Variants in KCNIP1 observed in about 807,000 individuals in gnomAD.
The protein encoded by KCNIP1 is A-type potassium channel modulatory protein KCNIP1.
A neutral mutation model predicts 33.0 loss-of-function variants in KCNIP1; 18 were observed. That is an observed-to-expected ratio of 0.55 (90% CI 0.38 to 0.81). The LOEUF is 0.81. Ranked by LOEUF, KCNIP1 falls within the 30% of genes least tolerant of loss-of-function variation. The probability of loss-of-function intolerance (pLI) is 0.00; values close to 1 mark genes in which losing one functional copy is unlikely to be tolerated. For missense variants in KCNIP1, 238 were observed against 271.6 expected, an observed-to-expected ratio of 0.88 and a Z score of 0.87; for synonymous variants, 93 against 98.3, an observed-to-expected ratio of 0.95 and a Z score of 0.32.
At chr5:170,555,108 T>A (rs189709188) in intron 1 of KCNIP1, among the ~76,000 whole-genome samples, 1 of 151,952 alleles carries the variant, frequency 6.6e-6, no homozygotes, top group East Asian at 1.9e-4. Context: ...AGAACAAGAG[T>A]ACTCAGGCTC....
chr5:170,613,329 G>A (rs753413241), intron 1 of KCNIP1, among the ~76,000 whole-genome samples: 20 of 152,212 alleles, frequency 1.3e-4, no homozygotes, highest in Admixed American at 1.3e-3. Flanking sequence ...CCTGGAGACA[G>A]AGTAAAATAG....
chr5:170,572,820 G>T (rs948577246), intron 1 of KCNIP1, among the ~76,000 whole-genome samples: 1 of 152,192 alleles, frequency 6.6e-6, no homozygotes, highest in Non-Finnish European at 1.5e-5. Flanking sequence ...GGGACTCAGG[G>T]AAGCTCAAAC....
At chr5:170,703,592 G>T (rs1763168422) in intron 1 of KCNIP1, among the ~76,000 whole-genome samples, 1 of 129,884 alleles carries the variant, frequency 7.7e-6, no homozygotes, top group Non-Finnish European at 1.6e-5. Flanking sequence ...GGGCAACACA[G>T]TGAGACCCCA....
chr5:170,675,094 C>T (rs1042997679), intron 1 of KCNIP1, among the ~76,000 whole-genome samples: 3 of 151,800 alleles, frequency 2.0e-5, no homozygotes, highest in African/African-American at 4.8e-5. Flanking sequence ...TGAGCCCAGG[C>T]GTTCTAGACC....
chr5:170,686,965 C>T (rs753027692), intron 1 of KCNIP1, among the ~76,000 whole-genome samples: 12 of 152,006 alleles, frequency 7.9e-5, no homozygotes, highest in Non-Finnish European at 1.6e-4. Context: ...CCCCAAACCT[C>T]TCTCCTGATC....
intron 1 of KCNIP1, among the ~76,000 whole-genome samples, chr5:170,601,114 C>T (rs968720521): frequency 6.6e-6 from 1 of 152,222 alleles, no homozygotes; most frequent in East Asian, 1.9e-4. Flanking sequence ...ACAACACCTG[C>T]GTCGCTTCCC....
chr5:170,730,853 T>C (rs1181359415), intron 5 of KCNIP1, among the ~76,000 whole-genome samples: 1 of 149,398 alleles, frequency 6.7e-6, no homozygotes, highest in Non-Finnish European at 1.5e-5. Flanking sequence ...AAAAAAAAAC[T>C]GCAGGAGTCA....
rs1472497140 is a variant in KCNIP1 at position 170,504,806 on chromosome 5, A to AGAG, written c.61+178_61+180dup. On this transcript the variant is annotated intron_variant, in intron 1 of 7. Transcript: ENST00000328939. The surrounding 1 kb of genome is among the most constrained non-coding windows in gnomAD (Gnocchi z 6.0). ...GGCGGGAGGGCTGGTGTGAACACCC[A>AGAG]GAGGAGGGAGCCGGAGTGGACGTCT... 6.6e-6 allele frequency among the ~76,000 whole-genome samples: 1 copy of AGAG among 152,142 alleles called. No homozygotes were observed. The highest frequency in any genetic ancestry group is 1.5e-5 in the Non-Finnish European group (1 of 68,020).
chr5:170,532,142 T>A (rs1399933581), intron 1 of KCNIP1, among the ~76,000 whole-genome samples: 1 of 152,232 alleles, frequency 6.6e-6, no homozygotes, highest in Non-Finnish European at 1.5e-5. Context: ...TAGAGATTAG[T>A]ACTTCATTTT....
At chr5:170,695,960 A>T (rs1762877238) in intron 1 of KCNIP1, among the ~76,000 whole-genome samples, 1 of 150,292 alleles carries the variant, frequency 6.7e-6, no homozygotes, top group African/African-American at 2.5e-5. Context: ...CGAAGGTTGC[A>T]GTGAGCCGAG....
chr5:170,450,692 G>A (rs572472341), intron 1 of KCNIP1, among the ~76,000 whole-genome samples: 186 of 152,028 alleles, frequency 1.2e-3, no homozygotes, highest in Non-Finnish European at 2.0e-3. Context: ...GACCACCTCC[G>A]CCCCGATCCC....
intron 1 of KCNIP1, among the ~76,000 whole-genome samples, chr5:170,544,932 C>A (rs1280818908): frequency 6.6e-6 from 1 of 152,170 alleles, no homozygotes; most frequent in Non-Finnish European, 1.5e-5. Flanking sequence ...AGCCAATATT[C>A]TTTTATACTA....
chr5:170,614,394 G>A (rs762195274), intron 1 of KCNIP1, among the ~76,000 whole-genome samples: 2 of 152,186 alleles, frequency 1.3e-5, no homozygotes, highest in Non-Finnish European at 2.9e-5. Context: ...ATGCATTCCA[G>A]TGGTGCCATC....
chr5:170,367,349 AAAAGAAAGAAAG>A (rs57303478), intron 1 of KCNIP1, among the ~76,000 whole-genome samples: 3,601 of 76,762 alleles, frequency 0.047, 105 homozygotes, highest in Middle Eastern at 0.053. Flanking sequence ...GAAGGAAAGA[AAAAGAAAGAAAG>A]AAAGAAAGAA....
chr5:170,723,241 C>G (rs1320508419), intron 5 of KCNIP1, among the ~76,000 whole-genome samples: 2 of 152,170 alleles, frequency 1.3e-5, no homozygotes, highest in African/African-American at 4.8e-5. Context: ...ACAATTGGGT[C>G]ATATTGGCCT....
chr5:170,682,794 T>TTTTTC (rs1762402163), intron 1 of KCNIP1, among the ~76,000 whole-genome samples: 1 of 134,148 alleles, frequency 7.5e-6, no homozygotes, highest in Admixed American at 7.6e-5. Context: ...CTTTTTTTTT[T>TTTTTC]TTTTTTTTTT....
intron 1 of KCNIP1, among the ~76,000 whole-genome samples, chr5:170,362,228 C>A (rs1035932039): frequency 1.3e-5 from 2 of 152,194 alleles, no homozygotes; most frequent in Non-Finnish European, 2.9e-5. Context: ...AGTCACACAG[C>A]CAGCATGAAG....
At chr5:170,420,692 G>A (rs553998747) in intron 1 of KCNIP1, 8 of 152,262 alleles carry the variant, frequency 5.3e-5, no homozygotes, top group South Asian at 2.1e-4. Flanking sequence ...GGATTTTGAC[G>A]GCATGGTGGT....
intron 1 of KCNIP1, among the ~76,000 whole-genome samples, chr5:170,686,671 G>T (rs1442999941): frequency 6.6e-6 from 1 of 152,150 alleles, no homozygotes; most frequent in Non-Finnish European, 1.5e-5. Context: ...CTGAAAACTG[G>T]CTGTAAAGAA....
Sources: allele counts gnomAD v4.1 joint callset (sites outside exome capture counted in the v4.1 genomes callset), GRCh38; gene constraint gnomAD v4.1.1; non-coding constraint Gnocchi (gnomAD v3.1); transcripts MANE v1.5; gene names NCBI Gene and HGNC (gene_info 2026-07-23, HGNC 2026-07-21).